The following SVEP1 variants were observed in gnomAD, a reference collection of about 807,000 sequenced individuals.
The protein encoded by SVEP1 is sushi, von Willebrand factor type A, EGF and pentraxin domain containing 1.
SVEP1 carries 164 observed loss-of-function variants against 367.3 expected under a neutral mutation model. The ratio of observed to expected loss-of-function variants is 0.45; its 90% CI spans 0.39 to 0.51. SVEP1 has a LOEUF of 0.51. SVEP1 is among the 20% of genes least tolerant of loss of function. The pLI is 0.00. For synonymous variants in SVEP1, 1,666 were observed against 1,611.6 expected (o/e 1.03, Z -0.81); for missense variants, 4,117 against 4,425.3 (o/e 0.93, Z 1.98).
chr9:110,469,306 T>C (rs1379085253), intron 16 of SVEP1, among the ~76,000 whole-genome samples: 3 of 152,204 alleles, frequency 2.0e-5, no homozygotes, highest in Non-Finnish European at 2.9e-5. Context: ...TCGTTTATTT[T>C]TTAAAGATAA....
chr9:110,442,170 T>G (rs141346976), intron 27 of SVEP1, among the ~76,000 whole-genome samples: 1 of 152,220 alleles, frequency 6.6e-6, no homozygotes, highest in Admixed American at 6.5e-5. Flanking sequence ...CATAGAATGA[T>G]GTTCCTTTCC....
chr9:110,400,393 T>C (rs2118993000), intron 40 of SVEP1, among the ~76,000 whole-genome samples: 1 of 151,750 alleles, frequency 6.6e-6, no homozygotes, highest in South Asian at 2.1e-4. Flanking sequence ...TTTGAGATGG[T>C]CTCACTCTTG....
At chr9:110,462,986 A>G (rs1828880692) in intron 18 of SVEP1, among the ~76,000 whole-genome samples, 1 of 152,106 alleles carries the variant, frequency 6.6e-6, no homozygotes, top group Non-Finnish European at 1.5e-5. Flanking sequence ...CACCCAAAGA[A>G]GGGCAACTAT....
intron 18 of SVEP1, among the ~76,000 whole-genome samples, chr9:110,460,358 CAGTAG>C (rs1286888622): frequency 2.0e-5 from 3 of 152,108 alleles, no homozygotes; most frequent in South Asian, 2.1e-4. Flanking sequence ...AGTGTTATCA[CAGTAG>C]AGTAAAAAGT....
intron 30 of SVEP1, among the ~76,000 whole-genome samples, chr9:110,433,180 C>T (rs371361148): frequency 1.4e-4 from 21 of 152,186 alleles, no homozygotes; most frequent in African/African-American, 4.6e-4. Context: ...CCTGTACAGC[C>T]GGCAGAACTG....
At chr9:110,441,961 A>G (rs1588055013) in intron 27 of SVEP1, among the ~76,000 whole-genome samples, 1 of 152,172 alleles carries the variant, frequency 6.6e-6, no homozygotes, top group African/African-American at 2.4e-5. Context: ...TGATTTGGCC[A>G]TGTCCGCCCT....
chr9:110,552,192 C>A (rs1830297098), intron 1 of SVEP1, among the ~76,000 whole-genome samples: 1 of 151,794 alleles, frequency 6.6e-6, no homozygotes, highest in Non-Finnish European at 1.5e-5. Context: ...CCACCATGCC[C>A]AGCTAATTTT....
intron 1 of SVEP1, among the ~76,000 whole-genome samples, chr9:110,562,609 A>G (rs1319762867): frequency 6.6e-6 from 1 of 152,230 alleles, no homozygotes; most frequent in Admixed American, 6.5e-5. Flanking sequence ...GAGAGCTATC[A>G]TAAACCAATG....
chr9:110,477,498 T>G (rs970792288), intron 13 of SVEP1, among the ~76,000 whole-genome samples: 2 of 152,214 alleles, frequency 1.3e-5, no homozygotes, highest in African/African-American at 4.8e-5. Flanking sequence ...GCATACTTAT[T>G]CATCCTTTCT....
intron 8 of SVEP1, among the ~76,000 whole-genome samples, chr9:110,493,112 T>C (rs1466550487): frequency 1.3e-5 from 2 of 151,836 alleles, no homozygotes; most frequent in African/African-American, 4.8e-5. Context: ...TCTAGGGGTT[T>C]TGAGAGGTTG....
At chr9:110,575,209 T>G (rs1426208725) in intron 1 of SVEP1, among the ~76,000 whole-genome samples, 3 of 152,234 alleles carry the variant, frequency 2.0e-5, no homozygotes, top group Non-Finnish European at 4.4e-5. Context: ...GGGAACCTTG[T>G]AGGCAATTCC....
chr9:110,513,907 C>T lies in SVEP1; in HGVS notation c.1123+41G>A, dbSNP rs191305870. The T allele has an allele frequency of 7.0e-6, 11 of 1,577,680 alleles. No individual in the cohort carries two copies. In the Admixed American group the frequency reaches 7.1e-5, roughly 10 times the overall value. ...CAAGCACTATTTCTCTCAGAGAAAT[C>T]AGCTTTTATATTTCCCATTTTCCAA... On this transcript the variant is annotated intron_variant, in intron 4 of 47. Coordinates refer to ENST00000374469, the MANE Select transcript of SVEP1 (RefSeq NM_153366.4).
intron 27 of SVEP1, among the ~76,000 whole-genome samples, chr9:110,436,770 A>G (rs535126375): frequency 9.8e-5 from 15 of 152,328 alleles, no homozygotes; most frequent in African/African-American, 3.4e-4. Context: ...ATATGCATAT[A>G]ATATTTTATG....
chr9:110,439,221 TAAG>T (rs1295101191), intron 27 of SVEP1, among the ~76,000 whole-genome samples: 5 of 152,018 alleles, frequency 3.3e-5, no homozygotes, highest in African/African-American at 9.7e-5. Context: ...AATGCCTGCA[TAAG>T]AAGAGACACC....
chr9:110,509,727 G>C (rs75068154), intron 5 of SVEP1, among the ~76,000 whole-genome samples: 1 of 152,268 alleles, frequency 6.6e-6, no homozygotes, highest in African/African-American at 2.4e-5. Context: ...ATATACTGTA[G>C]TTATCAATGT....
intron 35 of SVEP1, among the ~76,000 whole-genome samples, chr9:110,428,288 T>G (rs925361083): frequency 6.6e-6 from 1 of 152,102 alleles, no homozygotes; most frequent in Non-Finnish European, 1.5e-5. Flanking sequence ...TTGATTCTGA[T>G]AGCATGCTTT....
rs564491129 is a variant in SVEP1, at chr9:110,530,690, C to G, written c.964+15425G>C. Among the ~76,000 whole-genome samples the G allele has an allele frequency of 8.1e-4, 123 of 152,170 alleles. 2 individuals are homozygous for G. The Middle Eastern group carries it at 0.01, about 13-fold the overall frequency. ...TAGCTGGGACCACAGATGCACACCA[C>G]AGTGACCAGCTAATTTTTGTATTTT... On this transcript the variant is annotated intron_variant, in intron 3 of 47. Transcript: ENST00000374469.
chr9:110,537,433 AT>A (rs1830092748), intron 3 of SVEP1, among the ~76,000 whole-genome samples: 1 of 152,108 alleles, frequency 6.6e-6, no homozygotes, highest in South Asian at 2.1e-4. Context: ...ACAAACAGCA[AT>A]TGTGATAATA....
In SVEP1 at chr9:110,411,354, G is replaced by A. The variant is rs375920141; in HGVS notation, c.6357C>T (p.Asn2119=). The change falls in exon 37 of 48, where the codon AAC becomes AAT. Residue 2119 remains asparagine (N), a synonymous_variant. Transcript: ENST00000374469. Reference sequence around the variant, plus strand: ...TCATACATTCAATCTTTGCTGAGGTGTTCAGTACAAAGCCTTCCATGCATT... The same window carrying A: ...TCATACATTCAATCTTTGCTGAGGTATTCAGTACAAAGCCTTCCATGCATT... ...SFKCMEGFVL[N]TSAKIECMRG... 2.3e-5 allele frequency: 37 copies of A among 1,614,032 alleles called. No homozygotes were observed. In the African/African-American group the frequency reaches 4.7e-4, roughly 20 times the overall value.
Sources: allele counts gnomAD v4.1 joint callset (sites outside exome capture counted in the v4.1 genomes callset), GRCh38; gene constraint gnomAD v4.1.1; transcripts MANE v1.5; gene names NCBI Gene and HGNC (gene_info 2026-07-23, HGNC 2026-07-21).